Variants in GALNTL6 observed in about 807,000 individuals in gnomAD.
The protein encoded by GALNTL6 is polypeptide N-acetylgalactosaminyltransferase-like 6.
In GALNTL6, 46 loss-of-function variants were observed where a neutral mutation model predicts 73.7. The ratio of observed to expected loss-of-function variants is 0.62; its 90% CI spans 0.49 to 0.80. GALNTL6 has a LOEUF of 0.80. Among genes scored for constraint, GALNTL6 ranks in the 30% least tolerant of loss-of-function variants. The pLI, the probability that GALNTL6 is intolerant of heterozygous loss-of-function variation, is 0.00. For synonymous variants in GALNTL6, 259 were observed against 263.7 expected (o/e 0.98, Z 0.17); for missense variants, 604 against 755.0 (o/e 0.80, Z 2.34).
intron 2 of GALNTL6, among the ~76,000 whole-genome samples, chr4:172,064,812 AG>A (rs1731310873): frequency 6.6e-6 from 1 of 152,158 alleles, no homozygotes; most frequent in Non-Finnish European, 1.5e-5. Flanking sequence ...CTTCACCTCC[AG>A]GTGGTCCCAT....
chr4:172,655,893 A>G (rs975957689), intron 5 of GALNTL6, among the ~76,000 whole-genome samples: 2 of 152,214 alleles, frequency 1.3e-5, no homozygotes, highest in African/African-American at 4.8e-5. Flanking sequence ...TAAAGAAGAG[A>G]AAAAGAAGGA....
chr4:172,062,392 A>G (rs1341939234), intron 2 of GALNTL6, among the ~76,000 whole-genome samples: 1 of 152,146 alleles, frequency 6.6e-6, no homozygotes, highest in Non-Finnish European at 1.5e-5. Context: ...CACCAATTTT[A>G]TTGCTATGAA....
At chr4:172,674,600 C>T (rs953873428) in intron 5 of GALNTL6, among the ~76,000 whole-genome samples, 1 of 152,126 alleles carries the variant, frequency 6.6e-6, no homozygotes, top group Non-Finnish European at 1.5e-5. Context: ...TCAGGGACAC[C>T]AACAAGCCAT....
chr4:171,870,154 T>C (rs1031358614), intron 2 of GALNTL6, among the ~76,000 whole-genome samples: 2 of 152,216 alleles, frequency 1.3e-5, no homozygotes, highest in African/African-American at 2.4e-5. Context: ...GTTTTGTAAA[T>C]AGCTGCATTA....
chr4:172,349,845 AT>A (rs1554016263), intron 5 of GALNTL6, among the ~76,000 whole-genome samples: 22 of 94,318 alleles, frequency 2.3e-4, no homozygotes, highest in African/African-American at 3.7e-4. Context: ...ATATATATAT[AT>A]TTTTTTTAAA....
At chr4:172,081,261 G>T (rs567871211) in intron 2 of GALNTL6, among the ~76,000 whole-genome samples, 69 of 152,314 alleles carry the variant, frequency 4.5e-4, no homozygotes, top group African/African-American at 1.6e-3. Context: ...AGCTGCATCT[G>T]GCATTTGTTT....
In GALNTL6 at chr4:172,180,370, C is replaced by CA. The variant is rs1366424292; in HGVS notation, c.139-49281dup. ...AGCCCTTTCTCAGATGGATAGATTGCAAAAATTTTCTGCCATTCTGTAGGT... is the reference window on the plus strand; with the variant it reads ...AGCCCTTTCTCAGATGGATAGATTGCAAAAAATTTTCTGCCATTCTGTAGGT... On this transcript the variant is annotated intron_variant, in intron 2 of 12. Transcript: ENST00000506823. 5.3e-5 allele frequency among the ~76,000 whole-genome samples: 8 copies of CA among 151,312 alleles called. No individual in the cohort carries two copies. In the East Asian group the frequency reaches 1.4e-3, roughly 26 times the overall value.
chr4:172,988,192 T>C (rs942420405), intron 10 of GALNTL6, among the ~76,000 whole-genome samples: 4 of 152,160 alleles, frequency 2.6e-5, no homozygotes, highest in Admixed American at 2.0e-4. Context: ...ATATGGACAA[T>C]GAAGTCCAGG....
intron 2 of GALNTL6, among the ~76,000 whole-genome samples, chr4:171,989,984 G>T (rs1285788840): frequency 6.6e-6 from 1 of 152,118 alleles, no homozygotes; most frequent in Non-Finnish European, 1.5e-5. Context: ...TGGGCAGGTG[G>T]GGGAGGGCTA....
rs1001598840 is a variant in GALNTL6 at position 171,942,264 on chromosome 4, A to AT, written c.138+127546_138+127547insT. Among the ~76,000 whole-genome samples, 11 of 150,886 alleles carry AT rather than the reference A, an allele frequency of 7.3e-5. No homozygotes were observed. The East Asian group carries it at 1.2e-3, about 16-fold the overall frequency. Reference sequence around the variant, plus strand: ...TAGATAAATAAATAAATAAATAAATAAATATAATATACAGAACTGTAAAGA... The same window carrying AT: ...TAGATAAATAAATAAATAAATAAATATAATATAATATACAGAACTGTAAAGA... On this transcript the variant is annotated intron_variant, in intron 2 of 12. Transcript: ENST00000506823.
chr4:172,684,031 A>G (rs559225748), intron 5 of GALNTL6, among the ~76,000 whole-genome samples: 1 of 152,344 alleles, frequency 6.6e-6, no homozygotes, highest in Admixed American at 6.5e-5. Context: ...CTAACCATAG[A>G]TGCATCTATA....
At chr4:172,159,246 A>G (rs934635235) in intron 2 of GALNTL6, among the ~76,000 whole-genome samples, 1 of 152,180 alleles carries the variant, frequency 6.6e-6, no homozygotes, top group Non-Finnish European at 1.5e-5. Context: ...AACAACTGGT[A>G]CAATGTATGA....
rs564853125 is a variant in GALNTL6 at position 172,033,000 on chromosome 4, C to A, written c.139-196656C>A. Among the ~76,000 whole-genome samples, 33 of 152,080 alleles carry A rather than the reference C, an allele frequency of 2.2e-4. 1 individual carries two copies. In the East Asian group the frequency reaches 5.4e-3, roughly 25 times the overall value. On this transcript the variant is annotated intron_variant, in intron 2 of 12. Transcript: ENST00000506823. ...GAATAACCCGAAGAGCTTATATATA[C>A]TGAATAAATGTTAACTCTTGAACCT... is the stretch of plus-strand genomic sequence containing the variant.
At chr4:172,919,032 C>G (rs1330980855) in intron 8 of GALNTL6, among the ~76,000 whole-genome samples, 12 of 152,080 alleles carry the variant, frequency 7.9e-5, no homozygotes, top group Admixed American at 7.2e-4. Context: ...TTCTTTGAGG[C>G]ATTTATTGCA....
At chr4:172,216,352 T>C (rs927789160) in intron 2 of GALNTL6, among the ~76,000 whole-genome samples, 9 of 152,016 alleles carry the variant, frequency 5.9e-5, no homozygotes, top group Admixed American at 1.3e-4. Flanking sequence ...TTTCAATATG[T>C]TCAATATTTC....
chr4:172,471,300 G>T (rs968095825), intron 5 of GALNTL6, among the ~76,000 whole-genome samples: 9 of 152,082 alleles, frequency 5.9e-5, no homozygotes, highest in African/African-American at 1.9e-4. Context: ...CTAACCACCT[G>T]CCTTTCTTAA....
At chr4:171,849,622 G>A (rs552433574) in intron 2 of GALNTL6, among the ~76,000 whole-genome samples, 1 of 151,886 alleles carries the variant, frequency 6.6e-6, no homozygotes, top group South Asian at 2.1e-4. Flanking sequence ...AGTCTAAATA[G>A]GTAAATTTAC....
chr4:173,004,195 A>G (rs144180520), intron 10 of GALNTL6, among the ~76,000 whole-genome samples: 3,110 of 152,092 alleles, frequency 0.02, 48 homozygotes, highest in Middle Eastern at 0.054. Context: ...TGAAAAAAAA[A>G]ATGAGGTTAT....
intron 2 of GALNTL6, among the ~76,000 whole-genome samples, chr4:172,138,859 AT>A (rs1271893061): frequency 6.6e-6 from 1 of 151,786 alleles, no homozygotes; most frequent in Non-Finnish European, 1.5e-5. Context: ...TTTATACTTA[AT>A]TTCTAAGTTG....
Sources: allele counts gnomAD v4.1 joint callset (sites outside exome capture counted in the v4.1 genomes callset), GRCh38; gene constraint gnomAD v4.1.1; transcripts MANE v1.5; gene names NCBI Gene and HGNC (gene_info 2026-07-23, HGNC 2026-07-21).